Variants in PTPRD observed in about 807,000 individuals in gnomAD.
The protein encoded by PTPRD is protein tyrosine phosphatase receptor type D, also known as receptor-type tyrosine-protein phosphatase delta.
A neutral mutation model predicts 214.5 loss-of-function variants in PTPRD; 34 were observed. That is an observed-to-expected ratio of 0.16 (90% CI 0.12 to 0.21). The LOEUF (loss-of-function observed/expected upper bound fraction) is 0.21. Among genes scored for constraint, PTPRD ranks in the 10% least tolerant of loss-of-function variants. The probability of loss-of-function intolerance (pLI) is 1.00; values close to 1 mark genes in which losing one functional copy is unlikely to be tolerated. For synonymous variants in PTPRD, 1,128 were observed against 845.7 expected, an observed-to-expected ratio of 1.33 and a Z score of -5.79; for missense variants, 2,545 against 2,398.7, an observed-to-expected ratio of 1.06 and a Z score of -1.27.
At chr9:8,407,031 T>C (rs2093051879) in intron 35 of PTPRD, among the ~76,000 whole-genome samples, 1 of 152,212 alleles carries the variant, frequency 6.6e-6, no homozygotes, top group South Asian at 2.1e-4. Flanking sequence ...ATCTATTAAC[T>C]GAAACAAACT....
chr9:8,671,124 GA>G (rs2154363389), intron 12 of PTPRD, among the ~76,000 whole-genome samples: 1 of 152,012 alleles, frequency 6.6e-6, no homozygotes, highest in South Asian at 2.1e-4. Flanking sequence ...GGAAAGTGAA[GA>G]ATACAATTAA....
intron 39 of PTPRD, among the ~76,000 whole-genome samples, chr9:8,355,222 T>G (rs2076674682): frequency 6.6e-6 from 1 of 152,162 alleles, no homozygotes; most frequent in Admixed American, 6.5e-5. Flanking sequence ...TTTTGCCATC[T>G]GATACACTGG....
intron 5 of PTPRD, among the ~76,000 whole-genome samples, chr9:9,930,627 A>G (rs1261355791): frequency 6.6e-6 from 1 of 152,206 alleles, no homozygotes; most frequent in East Asian, 1.9e-4. Context: ...TTAAAAATGC[A>G]GTATTTTAAA....
chr9:9,634,280 T>C (rs2095685118), intron 7 of PTPRD, among the ~76,000 whole-genome samples: 1 of 152,060 alleles, frequency 6.6e-6, no homozygotes, highest in Non-Finnish European at 1.5e-5. Context: ...TAATGTGGAG[T>C]CTGGTAAATA....
chr9:9,135,597 A>T (rs2099849629), intron 10 of PTPRD, among the ~76,000 whole-genome samples: 1 of 152,198 alleles, frequency 6.6e-6, no homozygotes, highest in Admixed American at 6.5e-5. Context: ...GGAGACACTA[A>T]AGAGGGAAAA....
intron 43 of PTPRD, among the ~76,000 whole-genome samples, chr9:8,334,351 G>GCAAT (rs35878827): frequency 0.12 from 17,833 of 151,532 alleles, 1,699 homozygotes; most frequent in East Asian, 0.35. Flanking sequence ...AGACCACAGT[G>GCAAT]CAATCAAATT....
chr9:10,389,164 G>A (rs928712692), intron 2 of PTPRD, among the ~76,000 whole-genome samples: 1 of 151,752 alleles, frequency 6.6e-6, no homozygotes, highest in Non-Finnish European at 1.5e-5. Context: ...TGTGTACATA[G>A]AGGCTGCAAA....
chr9:10,219,837 C>T (rs1465660889), intron 3 of PTPRD, among the ~76,000 whole-genome samples: 1 of 151,214 alleles, frequency 6.6e-6, no homozygotes, highest in Non-Finnish European at 1.5e-5. Flanking sequence ...GGCTGTTAGC[C>T]ACACAGAAGT....
chr9:9,577,030 T>A (rs1400682463), intron 7 of PTPRD, among the ~76,000 whole-genome samples: 1 of 152,158 alleles, frequency 6.6e-6, no homozygotes, highest in Non-Finnish European at 1.5e-5. Context: ...TTACTGACGT[T>A]GTTACACTGA....
chr9:9,773,105 T>C (rs1408483709), intron 5 of PTPRD, among the ~76,000 whole-genome samples: 1 of 152,194 alleles, frequency 6.6e-6, no homozygotes, highest in Non-Finnish European at 1.5e-5. Flanking sequence ...AAGTGAATTT[T>C]ATGGTTTTAG....
intron 33 of PTPRD, among the ~76,000 whole-genome samples, chr9:8,453,080 G>C (rs1368373609): frequency 6.6e-6 from 1 of 152,174 alleles, no homozygotes; most frequent in Non-Finnish European, 1.5e-5. Context: ...GTATAAAATA[G>C]AGGGAGATTA....
chr9:8,820,074 G>A (rs995829590), intron 11 of PTPRD, among the ~76,000 whole-genome samples: 13 of 152,080 alleles, frequency 8.5e-5, no homozygotes, highest in Non-Finnish European at 1.9e-4. Context: ...TAAGAGCAGA[G>A]AAAAAGATAT....
At chr9:9,154,332 A>T (rs995125579) in intron 10 of PTPRD, among the ~76,000 whole-genome samples, 4 of 152,142 alleles carry the variant, frequency 2.6e-5, no homozygotes, top group Admixed American at 1.3e-4. Flanking sequence ...AACCACAAGC[A>T]TTTGTTTTCT....
At chr9:10,201,053 A>G (rs980138272) in intron 3 of PTPRD, among the ~76,000 whole-genome samples, 1 of 152,062 alleles carries the variant, frequency 6.6e-6, no homozygotes, top group African/African-American at 2.4e-5. Context: ...ATTATATCCA[A>G]TGATCATAGC....
chr9:9,207,424 A>T (rs181822353), intron 9 of PTPRD, among the ~76,000 whole-genome samples: 11 of 152,282 alleles, frequency 7.2e-5, no homozygotes, highest in Admixed American at 2.6e-4. Flanking sequence ...ATAGAAAAAA[A>T]ATCAATCATA....
intron 2 of PTPRD, among the ~76,000 whole-genome samples, chr9:10,385,557 A>C (rs2154486718): frequency 6.6e-6 from 1 of 151,960 alleles, no homozygotes; most frequent in African/African-American, 2.4e-5. Context: ...CTCTTTCCTG[A>C]AAATGAAAGA....
intron 3 of PTPRD, among the ~76,000 whole-genome samples, chr9:10,092,837 A>G (rs180705519): frequency 4.4e-4 from 67 of 151,770 alleles, no homozygotes; most frequent in East Asian, 4.1e-3. Context: ...AAGTTGACAA[A>G]ATAAGCAATG....
At chr9:9,561,810 A>G (rs1473493018) in intron 8 of PTPRD, among the ~76,000 whole-genome samples, 1 of 152,078 alleles carries the variant, frequency 6.6e-6, no homozygotes, top group Non-Finnish European at 1.5e-5. Context: ...TACTGGTTGT[A>G]CCTTCTCTCA....
At chr9:10,078,514 T>TAAA (rs71485315) in intron 3 of PTPRD, among the ~76,000 whole-genome samples, 27 of 78,722 alleles carry the variant, frequency 3.4e-4, no homozygotes, top group African/African-American at 8.0e-4. Flanking sequence ...AGACTCCATC[T>TAAA]AAAAAAAAAA....
Sources: gnomAD v4.1 joint callset for allele counts (sites outside exome capture counted in the v4.1 genomes callset) on GRCh38, gnomAD v4.1.1 for gene constraint, MANE v1.5 for transcripts, NCBI Gene and HGNC (gene_info 2026-07-23, HGNC 2026-07-21) for gene names.